PEAK1: variants seen among roughly 807,000 people sequenced by gnomAD.
The protein encoded by PEAK1 is pseudopodium enriched atypical kinase 1, also known as inactive tyrosine-protein kinase PEAK1.
In PEAK1, 54 loss-of-function variants were observed where a neutral mutation model predicts 124.7. That is an observed-to-expected ratio of 0.43 (90% CI 0.35 to 0.54). The LOEUF is 0.54. Ranked by LOEUF, PEAK1 falls within the 20% of genes least tolerant of loss-of-function variation. PEAK1 has a pLI of 0.01. For synonymous variants in PEAK1, 719 were observed against 760.0 expected, an observed-to-expected ratio of 0.95 and a Z score of 0.89; for missense variants, 2,046 against 2,134.5, an observed-to-expected ratio of 0.96 and a Z score of 0.82.
Position 77,110,408 on chromosome 15 carries a change from A to T in PEAK1, c.*3748T>A, listed in dbSNP as rs1299353675. 1 of 152,138 alleles carries T rather than the reference A, an allele frequency of 6.6e-6. No homozygotes were observed. Among genetic ancestry groups the T allele is most frequent in the Non-Finnish European group, 1.5e-5 (1 of 68,036 alleles). The allele number at this position is 152,138 out of a possible 1,614,324, so 9.4% of individuals were successfully genotyped here. A position where few individuals can be genotyped will look rare whatever the true frequency, so the allele number is the denominator to read the frequency against. On this transcript the variant is annotated 3_prime_UTR_variant, in exon 10 of 10. Transcript: ENST00000682557. Reference sequence around the variant, plus strand: ...GCGCCTGGCCTGGGAACTTCATACTACTAGAAACTTTTAAGATATAATTTT... The same window carrying T: ...GCGCCTGGCCTGGGAACTTCATACTTCTAGAAACTTTTAAGATATAATTTT...
At chr15:77,128,738 G>GTT (rs2052593945) in intron 9 of PEAK1, among the ~76,000 whole-genome samples, 1 of 152,188 alleles carries the variant, frequency 6.6e-6, no homozygotes, top group Admixed American at 6.5e-5. Context: ...TTGTAAGCAT[G>GTT]TAACTTGTGG....
intron 1 of PEAK1, among the ~76,000 whole-genome samples, chr15:77,406,078 G>T (rs2142056230): frequency 6.6e-6 from 1 of 152,216 alleles, no homozygotes; most frequent in South Asian, 2.1e-4. Context: ...GATTTTTATA[G>T]GTTTTTTGTC....
At chr15:77,376,708 A>G (rs1027206917) in intron 1 of PEAK1, among the ~76,000 whole-genome samples, 5 of 152,242 alleles carry the variant, frequency 3.3e-5, no homozygotes, top group Non-Finnish European at 7.3e-5. Flanking sequence ...ACTCTGACAC[A>G]ATAAGGATAT....
chr15:77,216,052 C>G (rs931640628), intron 6 of PEAK1, among the ~76,000 whole-genome samples: 1 of 152,148 alleles, frequency 6.6e-6, no homozygotes, highest in Non-Finnish European at 1.5e-5. Context: ...CCATATAAAT[C>G]TAAAAACAGC....
chr15:77,221,156 G>GA (rs2059371824), intron 6 of PEAK1, among the ~76,000 whole-genome samples: 1 of 152,078 alleles, frequency 6.6e-6, no homozygotes, highest in Non-Finnish European at 1.5e-5. Context: ...TTCTAGGTCT[G>GA]ATGGTTATAC....
At chr15:77,138,266 T>C (rs910971199) in intron 8 of PEAK1, among the ~76,000 whole-genome samples, 1 of 152,122 alleles carries the variant, frequency 6.6e-6, no homozygotes, top group Non-Finnish European at 1.5e-5. Context: ...ATGGTATGCT[T>C]GTATAGGGCA....
chr15:77,222,047 T>C lies in PEAK1; in HGVS notation c.-115+30320A>G, dbSNP rs368527725. Among the ~76,000 whole-genome samples the C allele has an allele frequency of 3.8e-3, 576 of 152,086 alleles. 6 individuals are homozygous for C. Among genetic ancestry groups the C allele is most frequent in the Middle Eastern group, 0.01 (3 of 294 alleles). On this transcript the variant is annotated intron_variant, in intron 6 of 9. Transcript: ENST00000682557. Reference sequence around the variant, plus strand: ...GTTAGGATGGAATGGAATTAATTCTTTTTTTTTCTTTTTCAAAATAAAGTT... The same window carrying C: ...GTTAGGATGGAATGGAATTAATTCTCTTTTTTTCTTTTTCAAAATAAAGTT...
At chr15:77,135,368 T>C (rs1488572173) in intron 8 of PEAK1, among the ~76,000 whole-genome samples, 5 of 152,194 alleles carry the variant, frequency 3.3e-5, no homozygotes, top group Admixed American at 3.3e-4. Context: ...GTGTTGCTTA[T>C]GACAGGGATA....
chr15:77,209,144 A>G (rs1027068819), intron 6 of PEAK1, among the ~76,000 whole-genome samples: 15 of 152,230 alleles, frequency 9.9e-5, no homozygotes, highest in African/African-American at 1.4e-4. Context: ...CCAGATCTAA[A>G]AAAGTCTAGT....
intron 6 of PEAK1, among the ~76,000 whole-genome samples, chr15:77,204,333 A>G (rs2058520941): frequency 6.6e-6 from 1 of 152,240 alleles, no homozygotes; most frequent in Non-Finnish European, 1.5e-5. Context: ...GGAAGACAGT[A>G]TGGCAGTTTC....
At chr15:77,314,160 T>G (rs746194812) in intron 2 of PEAK1, among the ~76,000 whole-genome samples, 1 of 152,188 alleles carries the variant, frequency 6.6e-6, no homozygotes, top group Non-Finnish European at 1.5e-5. Context: ...GTTTGTGTTA[T>G]AAGAGTTAAA....
chr15:77,300,798 G>A (rs988148421), intron 2 of PEAK1, among the ~76,000 whole-genome samples: 2 of 152,030 alleles, frequency 1.3e-5, no homozygotes, highest in South Asian at 2.1e-4. Flanking sequence ...TCCTGTGGCT[G>A]TTATAACAAA....
chr15:77,189,407 A>T (rs1487747817), intron 6 of PEAK1, among the ~76,000 whole-genome samples: 1 of 152,150 alleles, frequency 6.6e-6, no homozygotes. Flanking sequence ...TGCTTTAAAC[A>T]TAAACATGGC....
At chr15:77,338,453 C>A (rs2066330466) in intron 2 of PEAK1, among the ~76,000 whole-genome samples, 1 of 152,006 alleles carries the variant, frequency 6.6e-6, no homozygotes, top group Admixed American at 6.6e-5. Context: ...TTTGAAAGAG[C>A]CCCAGAAAGA....
intron 2 of PEAK1, among the ~76,000 whole-genome samples, chr15:77,288,962 A>G (rs2063072931): frequency 6.6e-6 from 1 of 152,256 alleles, no homozygotes; most frequent in African/African-American, 2.4e-5. Context: ...CGAATGAGTA[A>G]AACAGAGATG....
intron 2 of PEAK1, among the ~76,000 whole-genome samples, chr15:77,364,018 G>A (rs1232168471): frequency 6.6e-6 from 1 of 151,982 alleles, no homozygotes; most frequent in Non-Finnish European, 1.5e-5. Context: ...GGACAACATG[G>A]TGAAACCCTG....
At chr15:77,349,742 G>C (rs1039429596) in intron 2 of PEAK1, 3 of 985,112 alleles carry the variant, frequency 3.0e-6, no homozygotes, top group Non-Finnish European at 3.6e-6. Flanking sequence ...ATCATTCTTA[G>C]ACTTAAGTTG....
chr15:77,179,765 T>G lies in PEAK1; in HGVS notation c.2162A>C (p.Gln721Pro). Residue 721 changes from glutamine (Q) to proline (P), a missense_variant, in exon 7 of 10, where the codon CAG (glutamine) becomes CCG (proline). Transcript: ENST00000682557. ...NCLNRGQSSP[Q>P]RSYSSSHSSP... is the part of the protein sequence containing the mutation. ...GCTGTGGCTGGAACTATAGCTTCTC[T>G]GTGGTGAAGACTGACCTCTGTTGAG... The G allele has an allele frequency of 6.2e-7, 1 of 1,614,146 alleles. No individual in the cohort carries two copies. The highest frequency in any genetic ancestry group is 2.2e-5 in the East Asian group (1 of 44,886).
At chr15:77,398,516 T>C (rs1360087318) in intron 1 of PEAK1, among the ~76,000 whole-genome samples, 1 of 152,158 alleles carries the variant, frequency 6.6e-6, no homozygotes, top group Non-Finnish European at 1.5e-5. Flanking sequence ...ACAAAACCCA[T>C]ATGATCATTT....
Sources: allele counts gnomAD v4.1 joint callset (sites outside exome capture counted in the v4.1 genomes callset), GRCh38; gene constraint gnomAD v4.1.1; transcripts MANE v1.5; gene names NCBI Gene and HGNC (gene_info 2026-07-23, HGNC 2026-07-21).